The following RORA variants were observed in gnomAD, a reference collection of about 807,000 sequenced individuals.
The protein encoded by RORA is nuclear receptor ROR-alpha.
A neutral mutation model predicts 69.5 loss-of-function variants in RORA; 7 were observed. The observed-to-expected ratio is 0.10, with a 90% CI of 0.06 to 0.19. The LOEUF (loss-of-function observed/expected upper bound fraction) is 0.19. Ranked by LOEUF, RORA falls within the 10% of genes least tolerant of loss-of-function variation. The pLI is 1.00. For missense variants in RORA, 457 were observed against 663.0 expected, an observed-to-expected ratio of 0.69 and a Z score of 3.41; for synonymous variants, 261 against 240.8, an observed-to-expected ratio of 1.08 and a Z score of -0.78.
chr15:60,521,982 T>G (rs1025325161), intron 3 of RORA, among the ~76,000 whole-genome samples: 1 of 152,182 alleles, frequency 6.6e-6, no homozygotes, highest in Non-Finnish European at 1.5e-5. Context: ...AAAAAATGAC[T>G]GTATACTATG....
intron 2 of RORA, among the ~76,000 whole-genome samples, chr15:60,573,418 C>T (rs1031739713): frequency 6.6e-6 from 1 of 152,138 alleles, no homozygotes; most frequent in South Asian, 2.1e-4. Flanking sequence ...AGACCTTTGC[C>T]GCATCCAAAA....
At chr15:61,035,127 A>G (rs906117902) in intron 1 of RORA, among the ~76,000 whole-genome samples, 1 of 152,190 alleles carries the variant, frequency 6.6e-6, no homozygotes, top group Non-Finnish European at 1.5e-5. Flanking sequence ...GATTTATTCC[A>G]TAATGCTTAC....
At chr15:60,526,490 T>C (rs946145876) in intron 3 of RORA, among the ~76,000 whole-genome samples, 2 of 151,482 alleles carry the variant, frequency 1.3e-5, no homozygotes, top group Non-Finnish European at 2.9e-5. Context: ...AACAAACAAA[T>C]AAAAAAAAAT....
chr15:60,899,625 T>G (rs745417315), intron 1 of RORA, among the ~76,000 whole-genome samples: 2 of 152,184 alleles, frequency 1.3e-5, no homozygotes, highest in Non-Finnish European at 2.9e-5. Context: ...AACCACCTCT[T>G]ACCATTCCAC....
intron 1 of RORA, among the ~76,000 whole-genome samples, chr15:61,022,947 G>A (rs1325673006): frequency 6.6e-6 from 1 of 152,020 alleles, no homozygotes; most frequent in Non-Finnish European, 1.5e-5. Flanking sequence ...CAATTTGAGA[G>A]GCCAAGGTGG....
At chr15:61,011,785 C>G (rs544365144) in intron 1 of RORA, among the ~76,000 whole-genome samples, 2 of 152,218 alleles carry the variant, frequency 1.3e-5, no homozygotes, top group Admixed American at 6.5e-5. Context: ...AACTTGCTAC[C>G]AAGTGCCCAC....
intron 2 of RORA, chr15:60,546,566 G>A (rs575512364): frequency 6.6e-6 from 1 of 152,158 alleles, no homozygotes; most frequent in African/African-American, 2.4e-5. Flanking sequence ...TAAAAAAATG[G>A]GATTTTAATA....
chr15:61,120,415 C>T (rs2079091400), intron 1 of RORA, among the ~76,000 whole-genome samples: 2 of 151,952 alleles, frequency 1.3e-5, no homozygotes, highest in African/African-American at 4.8e-5. Flanking sequence ...AAAAAACATA[C>T]CTGGCTGGGC....
intron 1 of RORA, among the ~76,000 whole-genome samples, chr15:61,054,220 T>A (rs942981350): frequency 6.6e-6 from 1 of 151,992 alleles, no homozygotes; most frequent in African/African-American, 2.4e-5. Flanking sequence ...TACATGTATG[T>A]AGTTTTTCCT....
intron 8 of RORA, 73 bp downstream of exon 8, chr15:60,502,687 C>G: frequency 2.2e-6 from 2 of 925,120 alleles, no homozygotes; most frequent in South Asian, 2.8e-5. Flanking sequence ...TTTGTCCAAG[C>G]AGAGCTTTCA....
intron 1 of RORA, among the ~76,000 whole-genome samples, chr15:60,891,713 C>T (rs572480958): frequency 1.3e-5 from 2 of 152,354 alleles, no homozygotes; most frequent in South Asian, 2.1e-4. Context: ...CTATTCTGCA[C>T]GTGACTCCTT....
intron 5 of RORA, among the ~76,000 whole-genome samples, chr15:60,506,159 A>G (rs1016094777): frequency 2.0e-5 from 3 of 152,106 alleles, no homozygotes; most frequent in Non-Finnish European, 4.4e-5. Flanking sequence ...GAAGCCACAT[A>G]CTCTGGAGCT....
rs552289007 is a variant in RORA at position 60,799,970 on chromosome 15, T to C, written c.167-121284A>G. The stretch of plus-strand genomic sequence containing the variant: ...CAAATTAAAAAATTGTCTCTGGCTC[T>C]GTTTCCTATAGAGGGCTGCAGCCAG... On this transcript the variant is annotated intron_variant, in intron 1 of 10. Transcript: ENST00000335670. Among the ~76,000 whole-genome samples the C allele has an allele frequency of 2.6e-5, 4 of 152,370 alleles. No individual in the cohort carries two copies. In the East Asian group the frequency reaches 7.7e-4, roughly 29 times the overall value.
In RORA at chr15:60,804,858, T is replaced by C. The variant is rs1313727025; in HGVS notation, c.167-126172A>G. On this transcript the variant is annotated intron_variant, in intron 1 of 10. Coordinates refer to ENST00000335670, the MANE Select transcript of RORA (RefSeq NM_134261.3). ...CTCTGTGATAATAGCTCTTAAATTA[T>C]AATAGGCTCTCTCTTTCAATAGAAG... Among the ~76,000 whole-genome samples, 4 of 152,232 alleles carry C rather than the reference T, an allele frequency of 2.6e-5. No homozygotes were observed. The South Asian group carries it at 6.2e-4, about 24-fold the overall frequency.
chr15:60,963,599 C>T (rs1432792603), intron 1 of RORA, among the ~76,000 whole-genome samples: 2 of 152,190 alleles, frequency 1.3e-5, no homozygotes, highest in Non-Finnish European at 2.9e-5. Context: ...TGAGGTTTCC[C>T]TTGCATTCCT....
At chr15:60,774,148 G>A (rs894531904) in intron 1 of RORA, among the ~76,000 whole-genome samples, 13 of 152,150 alleles carry the variant, frequency 8.5e-5, no homozygotes, top group African/African-American at 3.1e-4. Context: ...CCACAGCCAC[G>A]GCTTCTGGGG....
At chr15:60,540,358 T>G (rs188353470) in intron 2 of RORA, among the ~76,000 whole-genome samples, 9 of 152,308 alleles carry the variant, frequency 5.9e-5, no homozygotes, top group Non-Finnish European at 1.2e-4. Context: ...TGATCTAGTT[T>G]CTGCTCAACC....
intron 1 of RORA, among the ~76,000 whole-genome samples, chr15:60,692,779 A>C (rs1464076461): frequency 6.6e-6 from 1 of 152,186 alleles, no homozygotes; most frequent in African/African-American, 2.4e-5. Context: ...AAACTTTAAA[A>C]AGAGGTTCAA....
intron 2 of RORA, among the ~76,000 whole-genome samples, chr15:60,547,253 G>C (rs1377837887): frequency 6.6e-6 from 1 of 151,874 alleles, no homozygotes; most frequent in Non-Finnish European, 1.5e-5. Context: ...ACTACTTGGA[G>C]CTACTTCTTA....
Sources: allele counts gnomAD v4.1 joint callset (sites outside exome capture counted in the v4.1 genomes callset), GRCh38; gene constraint gnomAD v4.1.1; transcripts MANE v1.5; gene names NCBI Gene and HGNC (gene_info 2026-07-23, HGNC 2026-07-21).